The following ABAT variants were observed in gnomAD, a reference collection of about 807,000 sequenced individuals.
ABAT encodes 4-aminobutyrate aminotransferase, also known as 4-aminobutyrate aminotransferase, mitochondrial.
Under a neutral mutation model 64.6 loss-of-function variants are expected in ABAT, and 45 were observed. That is an observed-to-expected ratio of 0.70 (90% CI 0.55 to 0.89). The LOEUF (loss-of-function observed/expected upper bound fraction) is 0.89. Among genes scored for constraint, ABAT ranks in the 40% least tolerant of loss-of-function variants. The pLI, the probability that ABAT is intolerant of heterozygous loss-of-function variation, is 0.00. For synonymous variants in ABAT, 297 were observed against 250.5 expected, an observed-to-expected ratio of 1.19 and a Z score of -1.75; for missense variants, 633 against 658.4, an observed-to-expected ratio of 0.96 and a Z score of 0.42.
At chr16:8,707,789 T>A (rs1171797419) in intron 1 of ABAT, among the ~76,000 whole-genome samples, 1 of 152,068 alleles carries the variant, frequency 6.6e-6, no homozygotes, top group Non-Finnish European at 1.5e-5. Flanking sequence ...AGGCTGGTCT[T>A]GAACTCCTCA....
chr16:8,753,958 C>T (rs1456062957), intron 5 of ABAT, among the ~76,000 whole-genome samples: 2 of 152,040 alleles, frequency 1.3e-5, no homozygotes, highest in African/African-American at 2.4e-5. Context: ...TGGAGGAGTG[C>T]GCGGCCCAGG....
intron 1 of ABAT, among the ~76,000 whole-genome samples, chr16:8,708,824 T>C (rs1254309388): frequency 2.6e-5 from 4 of 152,180 alleles, no homozygotes; most frequent in African/African-American, 4.8e-5. Context: ...CTTTATTTTT[T>C]CCCTCTGTAG....
At chr16:8,692,449 T>C (rs2057605435) in intron 1 of ABAT, among the ~76,000 whole-genome samples, 1 of 152,182 alleles carries the variant, frequency 6.6e-6, no homozygotes, top group Non-Finnish European at 1.5e-5. Flanking sequence ...GCAACATGGC[T>C]AAGAAGGAGG....
rs1350929505 is a variant in ABAT at position 8,735,816 on chromosome 16, C to T, written c.70+7C>T. 6.3e-7 allele frequency: 1 copy of T among 1,598,052 alleles called. No homozygotes were observed. The highest frequency in any genetic ancestry group is 8.5e-7 in the Non-Finnish European group (1 of 1,172,362). Reference sequence around the variant, plus strand: ...TACCGCCTGCTGGTGCCTGGTAAGCCCCGGGGGTCTTGATAAGAACTGGTA... The same window carrying T: ...TACCGCCTGCTGGTGCCTGGTAAGCTCCGGGGGTCTTGATAAGAACTGGTA... On this transcript the variant is annotated splice_region_variant and intron_variant, in intron 2 of 15. Transcript: ENST00000268251.
intron 10 of ABAT, among the ~76,000 whole-genome samples, chr16:8,768,549 C>T (rs892522006): frequency 2.0e-5 from 3 of 152,164 alleles, no homozygotes; most frequent in Non-Finnish European, 2.9e-5. Flanking sequence ...TACCCACGCA[C>T]GCATGCCAAT....
At chr16:8,698,392 G>T (rs1456780799) in intron 1 of ABAT, among the ~76,000 whole-genome samples, 1 of 151,582 alleles carries the variant, frequency 6.6e-6, no homozygotes, top group African/African-American at 2.4e-5. Context: ...AGAGTGCAAT[G>T]GCACGATCTC....
At chr16:8,749,327 A>C (rs1174594051) in intron 4 of ABAT, among the ~76,000 whole-genome samples, 3 of 136,566 alleles carry the variant, frequency 2.2e-5, no homozygotes, top group East Asian at 4.9e-4. Flanking sequence ...TGACCTCGTG[A>C]TCCACCTGCC....
chr16:8,770,711 G>A (rs1029160753), intron 11 of ABAT, among the ~76,000 whole-genome samples: 6 of 152,194 alleles, frequency 3.9e-5, no homozygotes, highest in African/African-American at 1.4e-4. Context: ...AAATTGCTGG[G>A]ATTACAGGTG....
Position 8,723,809 on chromosome 16 carries a change from T to TTATATATATATATATATATATA in ABAT, c.-41-11871_-41-11870insATATATATATATATATATATAT. ...GGGCAGTGGTTTGGATCCAAGCTTTTTATATATATATATATATATTTTTTT... is the reference window on the plus strand; with the variant it reads ...GGGCAGTGGTTTGGATCCAAGCTTTTTATATATATATATATATATATATATATATATATATATATATTTTTTT... On this transcript the variant is annotated intron_variant, in intron 1 of 15. Transcript: ENST00000268251. Among the ~76,000 whole-genome samples, 119 of 44,808 alleles carry TTATATATATATATATATATATA rather than the reference T, an allele frequency of 2.7e-3. 1 individual carries two copies. Among genetic ancestry groups the TTATATATATATATATATATATA allele is most frequent in the African/African-American group, 6.0e-3 (73 of 12,216 alleles). The allele number at this position is 44,808 out of a possible 152,430, so 29.4% of individuals were successfully genotyped here. A position where few individuals can be genotyped will look rare whatever the true frequency, so the allele number is the denominator to read the frequency against.
intron 11 of ABAT, among the ~76,000 whole-genome samples, chr16:8,770,685 C>G (rs762328788): frequency 3.9e-5 from 6 of 152,076 alleles, no homozygotes; most frequent in Non-Finnish European, 8.8e-5. Flanking sequence ...AAGTGGTCTG[C>G]CCACTTCGGC....
At chr16:8,677,984 G>A (rs542011139) in intron 1 of ABAT, among the ~76,000 whole-genome samples, 10 of 152,040 alleles carry the variant, frequency 6.6e-5, no homozygotes, top group South Asian at 2.1e-4. Flanking sequence ...GCTTGAGCCC[G>A]GGGAGGTCGA....
At chr16:8,722,486 T>A (rs1055445310) in intron 1 of ABAT, among the ~76,000 whole-genome samples, 18 of 152,232 alleles carry the variant, frequency 1.2e-4, no homozygotes, top group Middle Eastern at 3.4e-3. Context: ...AATTACTTTT[T>A]TAAATTGAAA....
intron 1 of ABAT, among the ~76,000 whole-genome samples, chr16:8,703,331 C>T (rs1238293518): frequency 2.0e-5 from 3 of 151,992 alleles, no homozygotes; most frequent in Non-Finnish European, 4.4e-5. Context: ...TGGTGTGCGC[C>T]TGTAGTCCCA....
At chr16:8,681,416 T>G (rs948936730) in intron 1 of ABAT, among the ~76,000 whole-genome samples, 1 of 151,090 alleles carries the variant, frequency 6.6e-6, no homozygotes, top group African/African-American at 2.4e-5. Context: ...TTCCTGCCTA[T>G]CAGGAACTCA....
chr16:8,781,335 A>C lies in ABAT; in HGVS notation c.1408A>C (p.Lys470Gln). 6.2e-7 allele frequency: 1 copy of C among 1,614,122 alleles called. No individual in the cohort carries two copies. The highest frequency in any genetic ancestry group is 2.2e-5 in the East Asian group (1 of 44,876). The change falls in exon 16 of 16, where the codon AAA becomes CAA. Residue 470 changes from lysine to glutamine, a missense_variant. Lys to Gln is a moderately conservative substitution (Grantham distance 53, BLOSUM62 1). Transcript: ENST00000268251. The surrounding 1 kb of genome is among the most constrained non-coding windows in gnomAD (Gnocchi z 4.5). ...TGTGGTGTTGGGTGGCTGTGGTGAC[A>C]AATCCATTCGTTTCCGTCCCACGCT... The part of the protein sequence containing the change: ...KGVVLGGCGD[K>Q]SIRFRPTLVF...
intron 15 of ABAT, among the ~76,000 whole-genome samples, chr16:8,779,794 C>G (rs1252778710): frequency 3.9e-5 from 6 of 152,166 alleles, no homozygotes; most frequent in Non-Finnish European, 8.8e-5. Flanking sequence ...AACAAGCGTT[C>G]GCTGAGGAGG....
intron 5 of ABAT, among the ~76,000 whole-genome samples, chr16:8,752,473 G>A (rs2059517402): frequency 6.6e-6 from 1 of 152,322 alleles, no homozygotes. Context: ...AAAACTAGAA[G>A]TTTGGTCGGG....
intron 8 of ABAT, among the ~76,000 whole-genome samples, chr16:8,765,392 A>G (rs2059915319): frequency 6.6e-6 from 1 of 151,738 alleles, no homozygotes; most frequent in Admixed American, 6.6e-5. Context: ...GGTTGGGCAC[A>G]GTGGCTCACA....
intron 5 of ABAT, among the ~76,000 whole-genome samples, chr16:8,753,443 C>T (rs796176106): frequency 6.6e-6 from 1 of 152,186 alleles, no homozygotes; most frequent in South Asian, 2.1e-4. Flanking sequence ...CCTGCCCCTG[C>T]CCTGCCCTGA....
Sources: allele counts gnomAD v4.1 joint callset (sites outside exome capture counted in the v4.1 genomes callset), GRCh38; gene constraint gnomAD v4.1.1; non-coding constraint Gnocchi (gnomAD v3.1); transcripts MANE v1.5; gene names NCBI Gene and HGNC (gene_info 2026-07-23, HGNC 2026-07-21).